Variants in SLC25A3 observed in about 807,000 individuals in gnomAD.
SLC25A3 encodes phosphate transport protein.
A neutral mutation model predicts 37.1 loss-of-function variants in SLC25A3; 14 were observed. That is an observed-to-expected ratio of 0.38 (90% CI 0.25 to 0.59). SLC25A3 has a LOEUF of 0.59. Among genes scored for constraint, SLC25A3 ranks in the 20% least tolerant of loss-of-function variants. The pLI, the probability that SLC25A3 is intolerant of heterozygous loss-of-function variation, is 0.67. For missense variants in SLC25A3, 385 were observed against 458.1 expected, an observed-to-expected ratio of 0.84 and a Z score of 1.46; for synonymous variants, 161 against 168.7, an observed-to-expected ratio of 0.95 and a Z score of 0.36.
At chr12:98,599,850 G>A (rs1454133426) in intron 5 of SLC25A3, 105 bp from the exon 6 acceptor site, 2 of 1,158,236 alleles carry the variant, frequency 1.7e-6, no homozygotes, top group Non-Finnish European at 2.6e-6. Flanking sequence ...GCTGCCATTT[G>A]TTACTATCAG....
At chr12:98,596,074 C>T (rs997362634) in intron 3 of SLC25A3, among the ~76,000 whole-genome samples, 14 of 152,136 alleles carry the variant, frequency 9.2e-5, no homozygotes, top group African/African-American at 3.4e-4. Context: ...GTAAATGGCT[C>T]TTTGCTGCTG....
At position 98,594,165 on chromosome 12, in the gene SLC25A3, T is replaced by C. The variant is rs757346200; in HGVS notation, c.157+30T>C. On this transcript the variant is annotated intron_variant, in intron 2 of 7. Coordinates refer to ENST00000552981, the MANE Select transcript of SLC25A3 (RefSeq NM_002635.4). ...GATCAGACCCTGCCCAATACAGTCG[T>C]GTGGTCTACTTGTGGGCCGCCCAGC... is the stretch of plus-strand genomic sequence containing the variant. 6 of 1,567,380 alleles carry C rather than the reference T, an allele frequency of 3.8e-6. No individual in the cohort carries two copies. The South Asian group carries it at 6.8e-5, about 18-fold the overall frequency.
At chr12:98,594,359 C>T (rs11109540) in intron 2 of SLC25A3, 10 of 702,196 alleles carry the variant, frequency 1.4e-5, no homozygotes, top group Non-Finnish European at 2.6e-5. Flanking sequence ...GCCCTGTGTC[C>T]CTTCGTGACC....
At chr12:98,596,000 A>G (rs1049071708) in intron 3 of SLC25A3, 152 bp downstream of exon 3, 1 of 754,366 alleles carries the variant, frequency 1.3e-6, no homozygotes, top group Non-Finnish European at 2.3e-6. Flanking sequence ...TATTTTGACT[A>G]GTGTTTTAAA....
In SLC25A3 at chr12:98,598,653, C is replaced by G. The variant is rs751243839; in HGVS notation, c.591C>G (p.Asn197Lys). The change falls in exon 5 of 8, where the codon AAC becomes AAG. Residue 197 changes from asparagine (N) to lysine (K), a missense_variant. Physicochemically the swap from Asn to Lys is moderately conservative, Grantham distance 94 (BLOSUM62 0). Transcript: ENST00000552981. The stretch of plus-strand genomic sequence containing the variant: ...TTCAAACCCAGCCAGGTTATGCCAA[C>G]ACTTTGAGGGATGCAGCTCCCAAAA... ...VRIQTQPGYANTLRDAAPKMY... is the reference protein window; with the variant it reads ...VRIQTQPGYAKTLRDAAPKMY... 3.1e-6 allele frequency: 5 copies of G among 1,614,024 alleles called. No individual in the cohort carries two copies. The highest frequency in any genetic ancestry group is 4.2e-6 in the Non-Finnish European group (5 of 1,180,006).
At chr12:98,594,326 C>T (rs1310034123) in intron 2 of SLC25A3, 191 bp downstream of exon 2, 1 of 706,078 alleles carries the variant, frequency 1.4e-6, no homozygotes. Context: ...TTGGCCTTCC[C>T]TCAAGGGCGT....
chr12:98,603,525 T>C lies in SLC25A3; in HGVS notation c.*1997T>C, dbSNP rs941032730. ...TTCCTGAGAGGAAAGTCAGTCAACGTGTAAGAGGAGCAGTAGAAACGCATT... is the reference window on the plus strand; with the variant it reads ...TTCCTGAGAGGAAAGTCAGTCAACGCGTAAGAGGAGCAGTAGAAACGCATT... On this transcript the variant is annotated 3_prime_UTR_variant, in exon 8 of 8. Transcript: ENST00000552981. 5 of 152,290 alleles carry C rather than the reference T, an allele frequency of 3.3e-5. No individual in the cohort carries two copies. Among genetic ancestry groups the C allele is most frequent in the African/African-American group, 1.2e-4 (5 of 41,534 alleles). The allele number at this position is 152,290 out of a possible 1,614,324, so 9.4% of individuals were successfully genotyped here. A position where few individuals can be genotyped will look rare whatever the true frequency, so the allele number is the denominator to read the frequency against.
chr12:98,602,580 C>A lies in SLC25A3; in HGVS notation c.*1052C>A, dbSNP rs572858670. The A allele has an allele frequency of 2.6e-5, 4 of 152,074 alleles. No homozygotes were observed. The highest frequency in any genetic ancestry group is 5.9e-5 in the Non-Finnish European group (4 of 68,024). The allele number at this position is 152,074 out of a possible 1,614,324, so 9.4% of individuals were successfully genotyped here. On this transcript the variant is annotated 3_prime_UTR_variant, in exon 8 of 8. Coordinates refer to ENST00000552981, the MANE Select transcript of SLC25A3 (RefSeq NM_002635.4). ...AAAAGCATTCCATCATACTTAGATA[C>A]GAGATTGGATTGTAGGTTTAAGCCC...
rs1230213523 is a variant in SLC25A3 at position 98,602,558 on chromosome 12, AG to A, written c.*1031del. On this transcript the variant is annotated 3_prime_UTR_variant, in exon 8 of 8. Coordinates refer to ENST00000552981, the MANE Select transcript of SLC25A3 (RefSeq NM_002635.4). ...ACTATATGAATGCCACTGGGGAAAAAGCATTCCATCATACTTAGATACGAGA... is the reference window on the plus strand; with the variant it reads ...ACTATATGAATGCCACTGGGGAAAAACATTCCATCATACTTAGATACGAGA... 14 of 152,224 alleles carry A rather than the reference AG, an allele frequency of 9.2e-5. No individual in the cohort carries two copies. The highest frequency in any genetic ancestry group is 3.4e-4 in the African/African-American group (14 of 41,462). 9.4% of individuals were successfully genotyped at this position (152,224 alleles called of 1,614,324 possible). A position where few individuals can be genotyped will look rare whatever the true frequency, so the allele number is the denominator to read the frequency against.
chr12:98,594,283 C>A, intron 2 of SLC25A3, 148 bp downstream of exon 2: 1 of 738,444 alleles, frequency 1.4e-6, no homozygotes, highest in Non-Finnish European at 2.4e-6. Context: ...CCTGGGGTAT[C>A]GGCCTTTTCC....
chr12:98,593,957 C>T lies in SLC25A3; in HGVS notation c.-4-18C>T. On this transcript the variant is annotated intron_variant, in intron 1 of 7. Transcript: ENST00000552981. ...GGCGCCTTGCCTGTCCTCTAACCGT[C>T]GCTCCCTCCTCCCCTAGAAAGATGT... 1.1e-5 allele frequency: 17 copies of T among 1,613,706 alleles called. No homozygotes were observed. Among genetic ancestry groups the T allele is most frequent in the Non-Finnish European group, 1.4e-5 (17 of 1,179,832 alleles).
chr12:98,605,660 AAAT>A lies in SLC25A3; in HGVS notation c.*4134_*4136del, dbSNP rs1283357300. 6.6e-6 allele frequency: 1 copy of A among 151,936 alleles called. No individual in the cohort carries two copies. The highest frequency in any genetic ancestry group is 1.5e-5 in the Non-Finnish European group (1 of 68,018). The allele number at this position is 151,936 out of a possible 1,614,324, so 9.4% of individuals were successfully genotyped here. On this transcript the variant is annotated 3_prime_UTR_variant, in exon 8 of 8. Transcript: ENST00000552981. ...TGATGAAACCCCAGGTCTCTACTAA[AAAT>A]ACAAAAATTGGTCAGGCATGGTGGT...
At chr12:98,595,605 T>TTAAGTTATAAGATATAGTCATC (rs754707720) in intron 2 of SLC25A3, 122 bp from the exon 3 acceptor site, 18 of 1,613,164 alleles carry the variant, frequency 1.1e-5, no homozygotes, top group Non-Finnish European at 1.4e-5. Context: ...TGACTGACTG[T>TTAAGTTATAAGATATAGTCATC]TAAGTTATAA....
At chr12:98,597,513 G>C (rs1306433379) in intron 3 of SLC25A3, 1 of 283,982 alleles carries the variant, frequency 3.5e-6, no homozygotes, top group African/African-American at 2.2e-5. Context: ...CCTCCCTCAG[G>C]CTCAAGCGAT....
At chr12:98,595,253 C>T in intron 2 of SLC25A3, 3 of 628,842 alleles carry the variant, frequency 4.8e-6, no homozygotes, top group South Asian at 1.9e-5. Flanking sequence ...GATACAGAAC[C>T]CTCATAATTT....
Position 98,604,957 on chromosome 12 carries a change from C to A in SLC25A3, c.*3429C>A, listed in dbSNP as rs953704424. The A allele has an allele frequency of 6.6e-6, 1 of 152,220 alleles. No individual in the cohort carries two copies. Among genetic ancestry groups the A allele is most frequent in the African/African-American group, 2.4e-5 (1 of 41,418 alleles). The allele number at this position is 152,220 out of a possible 1,614,324, so 9.4% of individuals were successfully genotyped here. ...TTTTTATTTTTAGCAGAAATGAGGTCTTGCTATGTTGCCAAGGCTAGTCTT... is the reference window on the plus strand; with the variant it reads ...TTTTTATTTTTAGCAGAAATGAGGTATTGCTATGTTGCCAAGGCTAGTCTT... On this transcript the variant is annotated 3_prime_UTR_variant, in exon 8 of 8. Coordinates refer to ENST00000552981, the MANE Select transcript of SLC25A3 (RefSeq NM_002635.4).
Position 98,597,881 on chromosome 12 carries a change from T to C in SLC25A3, c.305T>C (p.Ile102Thr). ...MQVDPQKYKGIFNGFSVTLKE... is the reference protein window; with the variant it reads ...MQVDPQKYKGTFNGFSVTLKE... The stretch of plus-strand genomic sequence containing the variant: ...GTGGACCCCCAAAAGTACAAGGGCA[T>C]ATTTAACGGATTCTCAGTTACACTT... Residue 102 changes from isoleucine to threonine, a missense_variant, in exon 4 of 8, where the codon ATA (isoleucine) becomes ACA (threonine). Ile to Thr is a moderately conservative substitution (Grantham distance 89). Coordinates refer to ENST00000552981, the MANE Select transcript of SLC25A3 (RefSeq NM_002635.4). 1 of 1,614,038 alleles carries C rather than the reference T, an allele frequency of 6.2e-7. No individual in the cohort carries two copies. The highest frequency in any genetic ancestry group is 8.5e-7 in the Non-Finnish European group (1 of 1,179,934).
At chr12:98,595,637 G>T (rs1168104738) in intron 2 of SLC25A3, 90 bp from the exon 3 acceptor site, 2 of 1,612,858 alleles carry the variant, frequency 1.2e-6, no homozygotes, top group Non-Finnish European at 1.7e-6. Flanking sequence ...CTAACAAGCT[G>T]TGTGGAAACC....
In SLC25A3 at chr12:98,597,673, C is replaced by T. The variant is rs555102911; in HGVS notation, c.280-183C>T. 5 of 742,684 alleles carry T rather than the reference C, an allele frequency of 6.7e-6. No homozygotes were observed. The East Asian group carries it at 1.2e-4, about 18-fold the overall frequency. 46.0% of individuals were successfully genotyped at this position (742,684 alleles called of 1,614,324 possible). A position where few individuals can be genotyped will look rare whatever the true frequency, so the allele number is the denominator to read the frequency against. ...TCCTGAGCTCAGGTAATCCACCTGC[C>T]TCAGCCTCCCAAAGTGCTGGGATTA... On this transcript the variant is annotated intron_variant, in intron 3 of 7. Transcript: ENST00000552981.
Sources: gnomAD v4.1 joint callset for allele counts (sites outside exome capture counted in the v4.1 genomes callset) on GRCh38, gnomAD v4.1.1 for gene constraint, MANE v1.5 for transcripts, NCBI Gene and HGNC (gene_info 2026-07-23, HGNC 2026-07-21) for gene names.